SIMC1: variants seen among roughly 807,000 people sequenced by gnomAD.
The protein encoded by SIMC1 is SUMO interacting motifs containing 1.
A neutral mutation model predicts 82.3 loss-of-function variants in SIMC1; 55 were observed. The observed-to-expected ratio is 0.67, with a 90% CI of 0.54 to 0.84. The LOEUF (loss-of-function observed/expected upper bound fraction) is 0.84. Ranked by LOEUF, SIMC1 falls within the 40% of genes least tolerant of loss-of-function variation. The pLI, the probability that SIMC1 is intolerant of heterozygous loss-of-function variation, is 0.00. For synonymous variants in SIMC1, 353 were observed against 426.3 expected, an observed-to-expected ratio of 0.83 and a Z score of 2.12; for missense variants, 915 against 1,107.2, an observed-to-expected ratio of 0.83 and a Z score of 2.46.
At chr5:176,279,452 G>GT (rs1326356410) in intron 1 of SIMC1, among the ~76,000 whole-genome samples, 4 of 151,928 alleles carry the variant, frequency 2.6e-5, no homozygotes, top group Non-Finnish European at 5.9e-5. Context: ...TTCTTGAAGG[G>GT]TTTTTTGTGT....
chr5:176,276,155 C>T (rs1037073658), intron 1 of SIMC1, among the ~76,000 whole-genome samples: 20 of 151,596 alleles, frequency 1.3e-4, no homozygotes, highest in African/African-American at 4.9e-4. Context: ...TCAGCTCCTG[C>T]TATTGGTCTG....
intron 1 of SIMC1, among the ~76,000 whole-genome samples, chr5:176,245,665 A>AC (rs1365751800): frequency 2.6e-5 from 4 of 151,934 alleles, no homozygotes; most frequent in African/African-American, 9.7e-5. Flanking sequence ...ACAGACAGCG[A>AC]CTCTCTAAAA....
intron 1 of SIMC1, among the ~76,000 whole-genome samples, chr5:176,260,581 T>G (rs555465801): frequency 7.5e-4 from 113 of 150,194 alleles, no homozygotes; most frequent in African/African-American, 2.6e-3. Context: ...TAAAATACGG[T>G]TTTTTTTCTC....
At chr5:176,306,141 C>T (rs1240134439) in intron 4 of SIMC1, among the ~76,000 whole-genome samples, 1 of 69,968 alleles carries the variant, frequency 1.4e-5, no homozygotes, top group Non-Finnish European at 3.2e-5. Context: ...CCCGGCCAGC[C>T]GCCCCGTCCG....
chr5:176,317,716 CAT>C (rs1158588633), intron 5 of SIMC1, among the ~76,000 whole-genome samples: 1 of 152,096 alleles, frequency 6.6e-6, no homozygotes, highest in Non-Finnish European at 1.5e-5. Flanking sequence ...TCCTTTCATT[CAT>C]ATCTTTTTGT....
rs1237039578 is a variant in SIMC1 at position 176,320,790 on chromosome 5, T to G, written c.1890-1483T>G. Among the ~76,000 whole-genome samples, 4 of 152,166 alleles carry G rather than the reference T, an allele frequency of 2.6e-5. No individual in the cohort carries two copies. In the East Asian group the frequency reaches 7.7e-4, roughly 29 times the overall value. ...ATAGGATTAAATAGGATAGCTCTTC[T>G]CTGCTGCTGGCTTAGGATTCAGCTT... is the stretch of plus-strand genomic sequence containing the variant. On this transcript the variant is annotated intron_variant, in intron 5 of 9. Transcript: ENST00000429602.
chr5:176,258,264 T>C (rs1445173177), intron 1 of SIMC1, among the ~76,000 whole-genome samples: 1 of 152,008 alleles, frequency 6.6e-6, no homozygotes, highest in African/African-American at 2.4e-5. Context: ...AGTGCTTTAC[T>C]TGGATTAACT....
chr5:176,256,380 G>A (rs1234535319), intron 1 of SIMC1, among the ~76,000 whole-genome samples: 1 of 151,966 alleles, frequency 6.6e-6, no homozygotes, highest in Non-Finnish European at 1.5e-5. Context: ...TCTAATTATA[G>A]CCAACTTGGT....
chr5:176,339,589 G>A (rs1295263734), intron 9 of SIMC1, among the ~76,000 whole-genome samples: 1 of 152,098 alleles, frequency 6.6e-6, no homozygotes, highest in Admixed American at 6.6e-5. Context: ...AACATTTCTT[G>A]TTCCTTTCTA....
intron 7 of SIMC1, among the ~76,000 whole-genome samples, chr5:176,334,281 T>C (rs1373384664): frequency 1.3e-5 from 2 of 152,220 alleles, no homozygotes; most frequent in African/African-American, 2.4e-5. Flanking sequence ...TAAAGAGTAT[T>C]GACTTTTATT....
At chr5:176,300,863 A>G (rs954071434) in intron 4 of SIMC1, among the ~76,000 whole-genome samples, 1 of 152,186 alleles carries the variant, frequency 6.6e-6, no homozygotes, top group African/African-American at 2.4e-5. Context: ...TAAATGGAGT[A>G]ATTCCTAGAA....
intron 5 of SIMC1, among the ~76,000 whole-genome samples, chr5:176,319,341 C>A (rs1314544317): frequency 6.6e-6 from 1 of 151,980 alleles, no homozygotes; most frequent in African/African-American, 2.4e-5. Flanking sequence ...TTTCCAAGAG[C>A]CCTTTTATTT....
rs577595693 is a variant in SIMC1 at position 176,327,906 on chromosome 5, A to G, written c.2171+3149A>G. On this transcript the variant is annotated intron_variant, in intron 7 of 9. Transcript: ENST00000429602. ...ACACTGATTAATTTACTCACGTTAA[A>G]CCAACTTTGCATTCCTGGAATAAAA... Among the ~76,000 whole-genome samples the G allele has an allele frequency of 4.6e-5, 7 of 152,320 alleles. No individual in the cohort carries two copies. In the South Asian group the frequency reaches 1.5e-3, roughly 32 times the overall value.
In SIMC1 at chr5:176,295,239, C is replaced by T. The variant is rs544569274; in HGVS notation, c.1641C>T (p.Tyr547=). The T allele has an allele frequency of 2.5e-6, 4 of 1,612,826 alleles. No homozygotes were observed. Among genetic ancestry groups the T allele is most frequent in the Admixed American group, 3.3e-5 (2 of 59,778 alleles). Residue 547 remains tyrosine, a synonymous_variant, in exon 3 of 10, where the codon TAC becomes TAT. Transcript: ENST00000429602. ...CTGTGGATGTCCTAAAGGAGGCCTACATGCTTCTCATGAAAATTCAACAGT... is the reference window on the plus strand; with the variant it reads ...CTGTGGATGTCCTAAAGGAGGCCTATATGCTTCTCATGAAAATTCAACAGT... ...SETVDVLKEA[Y]MLLMKIQQLH...
chr5:176,327,788 C>T (rs999119483), intron 7 of SIMC1, among the ~76,000 whole-genome samples: 7 of 152,108 alleles, frequency 4.6e-5, no homozygotes, highest in African/African-American at 1.2e-4. Context: ...ATTATTTTTA[C>T]GAAGAATAAG....
intron 1 of SIMC1, among the ~76,000 whole-genome samples, chr5:176,246,138 T>C (rs1490238559): frequency 6.6e-6 from 1 of 150,676 alleles, no homozygotes; most frequent in Non-Finnish European, 1.5e-5. Context: ...GCCTCCTGAG[T>C]AGCTGGGATT....
intron 1 of SIMC1, among the ~76,000 whole-genome samples, chr5:176,282,533 T>C (rs1763062580): frequency 6.6e-6 from 1 of 152,220 alleles, no homozygotes; most frequent in Non-Finnish European, 1.5e-5. Context: ...TCGCTCACGC[T>C]GGGAGCTGTA....
chr5:176,313,125 A>G (rs763180797), intron 4 of SIMC1: 109 of 285,176 alleles, frequency 3.8e-4, no homozygotes, highest in Non-Finnish European at 5.8e-4. Context: ...GCTTGGCCCA[A>G]CAGTCAAGTT....
intron 1 of SIMC1, among the ~76,000 whole-genome samples, chr5:176,273,971 G>A (rs71205692): frequency 1.2e-4 from 18 of 151,574 alleles, no homozygotes; most frequent in Admixed American, 2.6e-4. Context: ...ACATACGTGT[G>A]CATGTGTCTT....
Sources: allele counts gnomAD v4.1 joint callset (sites outside exome capture counted in the v4.1 genomes callset), GRCh38; gene constraint gnomAD v4.1.1; transcripts MANE v1.5; gene names NCBI Gene and HGNC (gene_info 2026-07-23, HGNC 2026-07-21).